Variants in FBXW7 observed in about 807,000 individuals in gnomAD.
FBXW7 encodes the protein F-box and WD repeat domain containing 7, also known as F-box/WD repeat-containing protein 7.
Under a neutral mutation model 86.3 loss-of-function variants are expected in FBXW7, and 11 were observed. That is an observed-to-expected ratio of 0.13 (90% CI 0.08 to 0.21). The LOEUF (loss-of-function observed/expected upper bound fraction) is 0.21. Among genes scored for constraint, FBXW7 ranks in the 10% least tolerant of loss-of-function variants. The probability of loss-of-function intolerance (pLI) is 1.00; values close to 1 mark genes in which losing one functional copy is unlikely to be tolerated. For missense variants in FBXW7, 488 were observed against 847.4 expected (o/e 0.58, Z 5.27); for synonymous variants, 313 against 297.9 (o/e 1.05, Z -0.52).
intron 2 of FBXW7, among the ~76,000 whole-genome samples, chr4:152,443,779 C>T (rs1741121372): frequency 6.6e-6 from 1 of 152,134 alleles, no homozygotes; most frequent in African/African-American, 2.4e-5. Context: ...GGTCCTTATA[C>T]TAGCTTAAAG....
chr4:152,516,602 T>C (rs1240359087), intron 2 of FBXW7, among the ~76,000 whole-genome samples: 23 of 152,244 alleles, frequency 1.5e-4, no homozygotes, highest in Admixed American at 1.5e-3. Flanking sequence ...TTATTTCTCT[T>C]AAAGGCTGCT....
intron 4 of FBXW7, 96 bp downstream of exon 4, chr4:152,411,203 GATTA>G: frequency 7.3e-7 from 1 of 1,374,190 alleles, no homozygotes; most frequent in South Asian, 1.8e-5. Flanking sequence ...CACATCTTAA[GATTA>G]ATTTTTAGTA....
intron 4 of FBXW7, among the ~76,000 whole-genome samples, chr4:152,374,625 T>C (rs1734317513): frequency 6.6e-6 from 1 of 152,036 alleles, no homozygotes; most frequent in Admixed American, 6.6e-5. Flanking sequence ...AAAAAGGTAT[T>C]AAAAATAACC....
intron 6 of FBXW7, among the ~76,000 whole-genome samples, chr4:152,346,487 A>T (rs1458455517): frequency 1.3e-5 from 2 of 152,226 alleles, no homozygotes; most frequent in Non-Finnish European, 2.9e-5. Context: ...GACATTCAAA[A>T]ATTGAGTTCC....
intron 2 of FBXW7, among the ~76,000 whole-genome samples, chr4:152,519,222 C>T (rs1278519325): frequency 6.6e-6 from 1 of 151,974 alleles, no homozygotes; most frequent in Non-Finnish European, 1.5e-5. Flanking sequence ...GGCGTGAATC[C>T]GGGAGGCAGA....
intron 2 of FBXW7, among the ~76,000 whole-genome samples, chr4:152,528,819 G>T (rs1488585970): frequency 2.6e-5 from 4 of 151,996 alleles, no homozygotes; most frequent in African/African-American, 9.7e-5. Context: ...CATAAAACAG[G>T]ATATTAAGTG....
rs751645930 is a variant in FBXW7 at position 152,411,452 on chromosome 4, TCTC to T, written c.349_351del (p.Glu117del). ...TCAAAATCGTCACTCTCCTGGTCCA[TCTC>T]CTCCTCCTCCTCATCCTCCTCATCT... On this transcript the variant is annotated inframe_deletion, in exon 4 of 14. Coordinates refer to ENST00000281708, the MANE Select transcript of FBXW7 (RefSeq NM_001349798.2). 4.2e-4 allele frequency: 678 copies of T among 1,611,812 alleles called. No individual in the cohort carries two copies. The highest frequency in any genetic ancestry group is 5.5e-4 in the Non-Finnish European group (649 of 1,178,746).
At chr4:152,532,153 T>A (rs954315107) in intron 2 of FBXW7, among the ~76,000 whole-genome samples, 2 of 152,250 alleles carry the variant, frequency 1.3e-5, no homozygotes, top group Non-Finnish European at 2.9e-5. Flanking sequence ...TAAACTATTT[T>A]GCTGTTTTGA....
chr4:152,349,999 A>G, intron 5 of FBXW7, 43 bp downstream of exon 5: 1 of 1,164,748 alleles, frequency 8.6e-7, no homozygotes, highest in South Asian at 1.6e-5. Flanking sequence ...AATCAACTCT[A>G]AAAAACTGAG....
At chr4:152,380,438 T>C (rs1013312773) in intron 4 of FBXW7, among the ~76,000 whole-genome samples, 1 of 152,018 alleles carries the variant, frequency 6.6e-6, no homozygotes, top group African/African-American at 2.4e-5. Context: ...TAAAATTGAA[T>C]GTGTTCATTT....
rs1394417291 is a variant in FBXW7 at position 152,411,619 on chromosome 4, A to C, written c.185T>G (p.Val62Gly). The change falls in exon 4 of 14, where the codon GTA becomes GGA. Residue 62 changes from valine (V) to glycine (G), a missense_variant. Around this residue, in one of 4 missense-constraint regions of FBXW7, gnomAD observed 230 missense variants for 240.0 expected, o/e 0.96. Transcript: ENST00000281708. Reference sequence around the variant, plus strand: ...ATTTTGGCCTCCAGGTCTAGGTTCTACTCCAACAACTTCACCATTCCTTGC... The same window carrying C: ...ATTTTGGCCTCCAGGTCTAGGTTCTCCTCCAACAACTTCACCATTCCTTGC... ...HTARNGEVVGVEPRPGGQNDS... is the reference protein window; with the variant it reads ...HTARNGEVVGGEPRPGGQNDS... The C allele has an allele frequency of 6.2e-7, 1 of 1,613,752 alleles. No individual in the cohort carries two copies. Among genetic ancestry groups the C allele is most frequent in the South Asian group, 1.1e-5 (1 of 91,050 alleles).
intron 4 of FBXW7, chr4:152,352,776 G>C (rs377312846): frequency 6.2e-6 from 10 of 1,601,038 alleles, no homozygotes; most frequent in Non-Finnish European, 8.5e-6. Flanking sequence ...AATAATGAGA[G>C]AGAACGGAGA....
intron 2 of FBXW7, among the ~76,000 whole-genome samples, chr4:152,447,453 C>A (rs1454343818): frequency 3.9e-5 from 6 of 152,158 alleles, no homozygotes; most frequent in Admixed American, 2.6e-4. Flanking sequence ...TAATCAAAGT[C>A]TTTGACAGCA....
chr4:152,416,389 A>G (rs1205713423), intron 2 of FBXW7, among the ~76,000 whole-genome samples: 1 of 152,118 alleles, frequency 6.6e-6, no homozygotes, highest in Non-Finnish European at 1.5e-5. Context: ...ACATTTGTAA[A>G]TTGTCTACTA....
At chr4:152,408,840 CTG>C (rs1737672253) in intron 4 of FBXW7, among the ~76,000 whole-genome samples, 1 of 152,196 alleles carries the variant, frequency 6.6e-6, no homozygotes, top group African/African-American at 2.4e-5. Flanking sequence ...TTCGGCCTCT[CTG>C]TAACTTTTGT....
At position 152,326,118 on chromosome 4, in the gene FBXW7, C is replaced by T. The variant is rs2126494536; in HGVS notation, c.1532G>A (p.Gly511Asp). Residue 511 changes from glycine (G) to aspartate (D), a missense_variant, in exon 12 of 14, where the codon GGC (glycine) becomes GAC (aspartate). Coordinates refer to ENST00000281708, the MANE Select transcript of FBXW7 (RefSeq NM_001349798.2). ...ATATGCTCCACTAACAACCCTCCTG[C>T]CATCATATTGAACACAGCGGACTGC... ...VAAVRCVQYD[G>D]RRVVSGAYDF... 1 of 1,613,424 alleles carries T rather than the reference C, an allele frequency of 6.2e-7. No individual in the cohort carries two copies. The highest frequency in any genetic ancestry group is 8.5e-7 in the Non-Finnish European group (1 of 1,179,574).
At chr4:152,326,334 CTTTTTTT>C (rs367926135) in intron 11 of FBXW7, 103 bp from the exon 12 acceptor site, 5 of 548,984 alleles carry the variant, frequency 9.1e-6, no homozygotes, top group Non-Finnish European at 9.3e-6. Context: ...GGTTTTTTAG[CTTTTTTT>C]TTTTTTTTTT....
At chr4:152,382,379 C>T (rs933178133) in intron 4 of FBXW7, 2 of 1,423,508 alleles carry the variant, frequency 1.4e-6, no homozygotes, top group African/African-American at 1.5e-5. Flanking sequence ...ACATGTAATA[C>T]AGGCACATTA....
At chr4:152,457,213 T>G (rs904921008) in intron 2 of FBXW7, among the ~76,000 whole-genome samples, 1 of 152,160 alleles carries the variant, frequency 6.6e-6, no homozygotes, top group South Asian at 2.1e-4. Flanking sequence ...AAATCAGTGG[T>G]TGCCTGCGAA....
Sources: allele counts gnomAD v4.1 joint callset (sites outside exome capture counted in the v4.1 genomes callset), GRCh38; gene constraint gnomAD v4.1.1; regional missense constraint gnomAD v4.1.1; transcripts MANE v1.5; gene names NCBI Gene and HGNC (gene_info 2026-07-23, HGNC 2026-07-21).